The following PCDHA8 variants were observed in gnomAD, a reference collection of about 807,000 sequenced individuals.
PCDHA8 encodes the protein protocadherin alpha 8, also known as protocadherin alpha-8.
Under a neutral mutation model 61.8 loss-of-function variants are expected in PCDHA8, and 53 were observed. That is an observed-to-expected ratio of 0.86 (90% CI 0.69 to 1.08). The LOEUF (loss-of-function observed/expected upper bound fraction) is 1.08. Among genes scored for constraint, PCDHA8 ranks in the 50% least tolerant of loss-of-function variants. PCDHA8 has a pLI of 0.00. For synonymous variants in PCDHA8, 618 were observed against 556.6 expected, an observed-to-expected ratio of 1.11 and a Z score of -1.55; for missense variants, 1,293 against 1,245.0, an observed-to-expected ratio of 1.04 and a Z score of -0.58.
chr5:140,888,725 T>C (rs1254922405), intron 1 of PCDHA8, among the ~76,000 whole-genome samples: 2 of 152,156 alleles, frequency 1.3e-5, no homozygotes, highest in African/African-American at 4.8e-5. Flanking sequence ...TTTCCAGCCC[T>C]TTGTGAGCTC....
chr5:140,882,319 G>T, intron 1 of PCDHA8: 3 of 1,614,136 alleles, frequency 1.9e-6, no homozygotes, highest in Non-Finnish European at 2.5e-6. Flanking sequence ...TACTGCTCTG[G>T]CTTCTGATCC....
chr5:140,949,714 T>A (rs2094416715), intron 1 of PCDHA8, among the ~76,000 whole-genome samples: 1 of 151,848 alleles, frequency 6.6e-6, no homozygotes, highest in South Asian at 2.1e-4. Flanking sequence ...TTTTACCCAT[T>A]TTGATAATAT....
In PCDHA8 at chr5:140,855,887, C is replaced by T. The variant is rs2043661726; in HGVS notation, c.2394+12172C>T. 3.0e-6 allele frequency: 3 copies of T among 985,500 alleles called. No individual in the cohort carries two copies. The African/African-American group carries it at 4.9e-5, about 16-fold the overall frequency. The allele number at this position is 985,500 out of a possible 1,614,324, so 61.0% of individuals were successfully genotyped here. A position where few individuals can be genotyped will look rare whatever the true frequency, so the allele number is the denominator to read the frequency against. ...TCGTCCACAAAATAGCTTTTTAGAA[C>T]AAAGGCATCAGCCAGTTTCTCAAGG... On this transcript the variant is annotated intron_variant, in intron 1 of 3. Transcript: ENST00000531613.
At position 140,859,256 on chromosome 5, in the gene PCDHA8, G is replaced by T. The variant is rs182882850; in HGVS notation, c.2394+15541G>T. ...TCATGCTTATGTTTAATAATGAAGA[G>T]AATTTGAACACTTTTTACTTTTGAG... is the stretch of plus-strand genomic sequence containing the variant. On this transcript the variant is annotated intron_variant, in intron 1 of 3. Coordinates refer to ENST00000531613, the MANE Select transcript of PCDHA8 (RefSeq NM_018911.3). The T allele has an allele frequency of 2.0e-4, 26 of 131,456 alleles. 1 individual carries two copies. The East Asian group carries it at 5.2e-3, about 26-fold the overall frequency. The allele number at this position is 131,456 out of a possible 1,614,324, so 8.1% of individuals were successfully genotyped here.
chr5:140,927,247 G>A (rs782521189), intron 1 of PCDHA8: 7 of 1,613,978 alleles, frequency 4.3e-6, no homozygotes, highest in Middle Eastern at 3.3e-4. Flanking sequence ...GGACACCAAT[G>A]ACAACTCACC....
At chr5:140,883,626 C>A (rs782798960) in intron 1 of PCDHA8, 2 of 1,613,968 alleles carry the variant, frequency 1.2e-6, no homozygotes, top group Non-Finnish European at 1.7e-6. Flanking sequence ...GACAACGCGC[C>A]GGCGTTCGCG....
chr5:140,869,135 C>T, intron 1 of PCDHA8: 1 of 1,613,026 alleles, frequency 6.2e-7, no homozygotes. Flanking sequence ...GGATTGGGCA[C>T]CCCACGACTA....
In PCDHA8 at chr5:140,927,810, GGAGGCATACATT is replaced by G. The variant is rs782126534; in HGVS notation, c.2395-51133_2395-51122del. Reference sequence around the variant, plus strand: ...CACTAGGTCCGCCTGAAACGCTCTTGGAGGCATACATTGAGGCGAGGGACGAAGGTGTCTTTG... The same window carrying G: ...CACTAGGTCCGCCTGAAACGCTCTTGGAGGCGAGGGACGAAGGTGTCTTTG... On this transcript the variant is annotated intron_variant, in intron 1 of 3. Transcript: ENST00000531613. 3.7e-6 allele frequency: 6 copies of G among 1,614,082 alleles called. No individual in the cohort carries two copies. The South Asian group carries it at 6.6e-5, about 18-fold the overall frequency.
chr5:140,975,461 G>A (rs2096668419), intron 1 of PCDHA8, among the ~76,000 whole-genome samples: 1 of 152,196 alleles, frequency 6.6e-6, no homozygotes, highest in Non-Finnish European at 1.5e-5. Context: ...GGCCATCTTG[G>A]AATTCTGCCT....
In PCDHA8 at chr5:141,010,195, C is replaced by G. The variant is rs753472247; in HGVS notation, c.*258C>G. 6.4e-7 allele frequency: 1 copy of G among 1,552,256 alleles called. No homozygotes were observed. The highest frequency in any genetic ancestry group is 8.7e-7 in the Non-Finnish European group (1 of 1,147,132). Reference sequence around the variant, plus strand: ...TAAAAAGCAGACCCAAGTTTCCTTTCTCCTCCGCCGCAAAGGAGAGGCTTC... The same window carrying G: ...TAAAAAGCAGACCCAAGTTTCCTTTGTCCTCCGCCGCAAAGGAGAGGCTTC... On this transcript the variant is annotated 3_prime_UTR_variant, in exon 4 of 4. Coordinates refer to ENST00000531613, the MANE Select transcript of PCDHA8 (RefSeq NM_018911.3).
chr5:140,977,543 A>G (rs905389015), intron 1 of PCDHA8, among the ~76,000 whole-genome samples: 3 of 152,224 alleles, frequency 2.0e-5, no homozygotes. Context: ...AGCAGCTTGC[A>G]TATGCATATC....
Position 140,843,320 on chromosome 5 carries a change from G to T in PCDHA8, c.1999G>T (p.Val667Leu), listed in dbSNP as rs2150357378. ...PALTATATVLVSLVESGQAPK... is the reference protein window; with the variant it reads ...PALTATATVLLSLVESGQAPK... ...GCTGACCGCCACGGCCACGGTTCTGGTGTCGCTGGTGGAGAGCGGCCAGGC... is the reference window on the plus strand; with the variant it reads ...GCTGACCGCCACGGCCACGGTTCTGTTGTCGCTGGTGGAGAGCGGCCAGGC... The change falls in exon 1 of 4, where the codon GTG (valine) becomes TTG (leucine). Residue 667 changes from valine to leucine, a missense_variant. By Grantham distance (32) the Val-to-Leu change is conservative. Coordinates refer to ENST00000531613, the MANE Select transcript of PCDHA8 (RefSeq NM_018911.3). 2.5e-6 allele frequency: 4 copies of T among 1,596,056 alleles called. No individual in the cohort carries two copies. The South Asian group carries it at 4.4e-5, about 18-fold the overall frequency.
At chr5:140,916,263 C>A (rs541005754) in intron 1 of PCDHA8, among the ~76,000 whole-genome samples, 43 of 152,316 alleles carry the variant, frequency 2.8e-4, no homozygotes, top group African/African-American at 1.0e-3. Flanking sequence ...ACCCCAAGAG[C>A]ATGCTTGTTG....
intron 1 of PCDHA8, chr5:140,967,846 C>A: frequency 6.2e-7 from 1 of 1,614,166 alleles, no homozygotes; most frequent in Non-Finnish European, 8.5e-7. Context: ...ACGTGAATGA[C>A]AATGCCCCAG....
intron 1 of PCDHA8, among the ~76,000 whole-genome samples, chr5:140,896,094 AGC>A (rs2065382019): frequency 6.6e-6 from 1 of 152,148 alleles, no homozygotes; most frequent in Non-Finnish European, 1.5e-5. Context: ...TACAGGCGTG[AGC>A]CACTGTGCCT....
intron 1 of PCDHA8, among the ~76,000 whole-genome samples, chr5:140,977,306 C>T (rs995052680): frequency 6.6e-6 from 1 of 152,150 alleles, no homozygotes; most frequent in African/African-American, 2.4e-5. Context: ...GACAAGCTAA[C>T]GATAGTGCTC....
chr5:140,946,353 A>C (rs2093933429), intron 1 of PCDHA8, among the ~76,000 whole-genome samples: 1 of 151,910 alleles, frequency 6.6e-6, no homozygotes, highest in Admixed American at 6.6e-5. Context: ...GAGGATGTGG[A>C]GAAAAGGGAA....
At chr5:140,989,947 T>G (rs2097368215) in intron 3 of PCDHA8, among the ~76,000 whole-genome samples, 1 of 152,062 alleles carries the variant, frequency 6.6e-6, no homozygotes, top group Non-Finnish European at 1.5e-5. Context: ...CACGTTTTTC[T>G]CGGTGAGACC....
intron 3 of PCDHA8, among the ~76,000 whole-genome samples, chr5:140,998,180 A>C (rs2097799784): frequency 6.6e-6 from 1 of 152,122 alleles, no homozygotes; most frequent in East Asian, 1.9e-4. Context: ...TATTCTAAGC[A>C]CTTTACAAGT....
Sources: allele counts gnomAD v4.1 joint callset (sites outside exome capture counted in the v4.1 genomes callset), GRCh38; gene constraint gnomAD v4.1.1; transcripts MANE v1.5; gene names NCBI Gene and HGNC (gene_info 2026-07-23, HGNC 2026-07-21).